ANTXR1: variants seen among roughly 807,000 people sequenced by gnomAD.
The protein encoded by ANTXR1 is ANTXR cell adhesion molecule 1, also known as anthrax toxin receptor 1.
Under a neutral mutation model 78.1 loss-of-function variants are expected in ANTXR1, and 19 were observed. That is an observed-to-expected ratio of 0.24 (90% CI 0.17 to 0.36). ANTXR1 has a LOEUF of 0.36. ANTXR1 is among the 10% of genes least tolerant of loss of function. The probability of loss-of-function intolerance (pLI) is 1.00; values close to 1 mark genes in which losing one functional copy is unlikely to be tolerated. For missense variants in ANTXR1, 518 were observed against 718.6 expected, an observed-to-expected ratio of 0.72 and a Z score of 3.19; for synonymous variants, 273 against 260.5, an observed-to-expected ratio of 1.05 and a Z score of -0.46.
intron 1 of ANTXR1, among the ~76,000 whole-genome samples, chr2:69,017,027 C>T (rs1218338108): frequency 6.6e-6 from 1 of 152,174 alleles, no homozygotes; most frequent in Non-Finnish European, 1.5e-5. Flanking sequence ...GTGGATGCCT[C>T]TGACTTCCTT....
intron 17 of ANTXR1, among the ~76,000 whole-genome samples, chr2:69,204,766 T>C (rs1386476655): frequency 1.3e-5 from 2 of 152,116 alleles, no homozygotes; most frequent in Admixed American, 6.5e-5. Context: ...CTTCCTGTCC[T>C]CCTACCTCTT....
intron 13 of ANTXR1, among the ~76,000 whole-genome samples, chr2:69,167,363 C>G (rs567874812): frequency 3.9e-5 from 6 of 152,222 alleles, no homozygotes; most frequent in Non-Finnish European, 8.8e-5. Flanking sequence ...CAGAGCAATG[C>G]AGGCTTTTGC....
chr2:69,166,245 C>G (rs549512562), intron 13 of ANTXR1, among the ~76,000 whole-genome samples: 2 of 152,182 alleles, frequency 1.3e-5, no homozygotes, highest in Admixed American at 6.5e-5. Flanking sequence ...ATGCAATGAT[C>G]GTCATCAAAT....
chr2:69,015,439 A>G (rs954474079), intron 1 of ANTXR1, among the ~76,000 whole-genome samples: 1 of 152,178 alleles, frequency 6.6e-6, no homozygotes, highest in Non-Finnish European at 1.5e-5. Context: ...AAAGACAAGT[A>G]CATGTAGATC....
chr2:69,124,304 C>T (rs1050521842), intron 11 of ANTXR1, among the ~76,000 whole-genome samples: 20 of 152,322 alleles, frequency 1.3e-4, no homozygotes, highest in Middle Eastern at 3.4e-3. Flanking sequence ...ACTGCAATGC[C>T]GGAACGTCTG....
intron 1 of ANTXR1, among the ~76,000 whole-genome samples, chr2:69,024,381 G>A (rs191878394): frequency 2.0e-5 from 3 of 152,296 alleles, no homozygotes; most frequent in Admixed American, 1.3e-4. Context: ...ATAATATCAG[G>A]ATTTTTAAAT....
At chr2:69,121,325 A>G (rs1053312847) in intron 10 of ANTXR1, among the ~76,000 whole-genome samples, 6 of 152,242 alleles carry the variant, frequency 3.9e-5, no homozygotes, top group East Asian at 1.9e-4. Context: ...TATAAAATCC[A>G]TGAAAGCAGA....
At chr2:69,195,349 A>C (rs897200722) in intron 17 of ANTXR1, among the ~76,000 whole-genome samples, 6 of 152,108 alleles carry the variant, frequency 3.9e-5, no homozygotes, top group African/African-American at 1.4e-4. Flanking sequence ...ACTAGAGAAC[A>C]CTAGAGCAGA....
intron 17 of ANTXR1, among the ~76,000 whole-genome samples, chr2:69,205,330 C>T (rs959815697): frequency 6.6e-6 from 1 of 152,114 alleles, no homozygotes; most frequent in Non-Finnish European, 1.5e-5. Flanking sequence ...AGAGGACACA[C>T]AGGCCTGCAA....
intron 9 of ANTXR1, 100 bp downstream of exon 9, chr2:69,091,019 C>T (rs1671215659): frequency 8.1e-7 from 1 of 1,228,130 alleles, no homozygotes; most frequent in African/African-American, 1.5e-5. Flanking sequence ...GAAAGAGGAA[C>T]AGGAAGGGGT....
chr2:69,217,752 T>A (rs1675214157), intron 17 of ANTXR1, among the ~76,000 whole-genome samples: 1 of 152,104 alleles, frequency 6.6e-6, no homozygotes, highest in Admixed American at 6.5e-5. Flanking sequence ...AGGGCCTGTG[T>A]GTGAGGGGAC....
intron 17 of ANTXR1, among the ~76,000 whole-genome samples, chr2:69,207,708 C>T (rs376440550): frequency 6.6e-5 from 10 of 152,242 alleles, no homozygotes; most frequent in African/African-American, 2.4e-4. Flanking sequence ...CCAACTGGGA[C>T]CTCCGCTGGC....
chr2:69,048,973 G>A (rs529997929), intron 3 of ANTXR1, among the ~76,000 whole-genome samples: 1 of 152,198 alleles, frequency 6.6e-6, no homozygotes, highest in South Asian at 2.1e-4. Flanking sequence ...ACGTCCCTCA[G>A]TACGATTTTG....
At chr2:69,063,373 A>G (rs1248289679) in intron 3 of ANTXR1, among the ~76,000 whole-genome samples, 4 of 152,180 alleles carry the variant, frequency 2.6e-5, no homozygotes. Context: ...ATGAAGGTCC[A>G]ATATCTTTAA....
intron 16 of ANTXR1, among the ~76,000 whole-genome samples, chr2:69,190,939 C>G (rs926034193): frequency 6.6e-6 from 1 of 152,178 alleles, no homozygotes; most frequent in African/African-American, 2.4e-5. Flanking sequence ...TTAGCACACA[C>G]AGCTCTGTGG....
chr2:69,020,707 C>T (rs73934647), intron 1 of ANTXR1, among the ~76,000 whole-genome samples: 235 of 152,258 alleles, frequency 1.5e-3, no homozygotes, highest in African/African-American at 5.2e-3. Context: ...TGCCTCTCCC[C>T]CTGATTACTC....
chr2:69,145,278 T>A (rs1237139566), intron 12 of ANTXR1: 2 of 1,541,558 alleles, frequency 1.3e-6, no homozygotes, highest in South Asian at 2.4e-5. Context: ...GCCAGGGGAG[T>A]AGCCCTTATA....
chr2:69,101,254 T>A (rs1242795483), intron 9 of ANTXR1, among the ~76,000 whole-genome samples: 6 of 152,228 alleles, frequency 3.9e-5, no homozygotes, highest in Non-Finnish European at 5.9e-5. Context: ...AAATAAGCTT[T>A]AAAAAAAATC....
intron 16 of ANTXR1, among the ~76,000 whole-genome samples, chr2:69,189,233 G>A (rs115965104): frequency 1.1e-4 from 17 of 152,270 alleles, no homozygotes; most frequent in South Asian, 2.1e-4. Flanking sequence ...AGCTAATCTC[G>A]CCTTGGCCAG....
Sources: allele counts gnomAD v4.1 joint callset (sites outside exome capture counted in the v4.1 genomes callset), GRCh38; gene constraint gnomAD v4.1.1; transcripts MANE v1.5; gene names NCBI Gene and HGNC (gene_info 2026-07-23, HGNC 2026-07-21).